PRKD3: variants seen among roughly 807,000 people sequenced by gnomAD.
PRKD3 encodes the protein protein kinase D3, also known as serine/threonine-protein kinase D3.
In PRKD3, 47 loss-of-function variants were observed where a neutral mutation model predicts 99.2. The ratio of observed to expected loss-of-function variants is 0.47; its 90% CI spans 0.38 to 0.60. The LOEUF is 0.60. Ranked by LOEUF, PRKD3 falls within the 20% of genes least tolerant of loss-of-function variation. The pLI, the probability that PRKD3 is intolerant of heterozygous loss-of-function variation, is 0.00. For missense variants in PRKD3, 1,019 were observed against 1,088.4 expected, an observed-to-expected ratio of 0.94 and a Z score of 0.90; for synonymous variants, 392 against 355.4, an observed-to-expected ratio of 1.10 and a Z score of -1.16.
chr2:37,295,387 CAG>C (rs1317176217), intron 2 of PRKD3, among the ~76,000 whole-genome samples: 2 of 152,026 alleles, frequency 1.3e-5, no homozygotes, highest in African/African-American at 4.8e-5. Flanking sequence ...AAAAGAGAAG[CAG>C]AGTTTCCATA....
At chr2:37,323,204 A>C (rs184518960) in intron 1 of PRKD3, among the ~76,000 whole-genome samples, 1 of 150,732 alleles carries the variant, frequency 6.6e-6, no homozygotes, top group East Asian at 1.9e-4. Context: ...TTTCTCTAAA[A>C]GACTTACCAT....
intron 7 of PRKD3, 91 bp from the exon 8 acceptor site, chr2:37,280,020 G>A: frequency 2.6e-6 from 2 of 767,216 alleles, no homozygotes; most frequent in Non-Finnish European, 4.0e-6. Context: ...TAAAATGTAA[G>A]AAAATATCTT....
At chr2:37,256,552 T>C (rs1050024515) in intron 17 of PRKD3, 110 bp downstream of exon 17, 26 of 1,304,828 alleles carry the variant, frequency 2.0e-5, no homozygotes, top group Non-Finnish European at 2.6e-5. Context: ...ATGGGAGATG[T>C]ACTAAAAAGA....
chr2:37,308,772 G>A (rs898824601), intron 2 of PRKD3, among the ~76,000 whole-genome samples: 4 of 152,002 alleles, frequency 2.6e-5, no homozygotes, highest in African/African-American at 4.8e-5. Flanking sequence ...GGTATTAAGT[G>A]AAGGTCTATG....
At chr2:37,299,544 ACACACACACACACAC>A (rs1413886340) in intron 2 of PRKD3, among the ~76,000 whole-genome samples, 1 of 150,746 alleles carries the variant, frequency 6.6e-6, no homozygotes, top group Non-Finnish European at 1.5e-5. Context: ...ACACACACAC[ACACACACACACACAC>A]AAGCTTCTGC....
intron 14 of PRKD3, among the ~76,000 whole-genome samples, chr2:37,261,886 G>A (rs559632934): frequency 2.0e-5 from 3 of 152,084 alleles, no homozygotes; most frequent in East Asian, 3.9e-4. Flanking sequence ...AGTAAAAAAC[G>A]TATTTTGAAT....
intron 2 of PRKD3, among the ~76,000 whole-genome samples, chr2:37,303,730 C>T (rs796253131): frequency 1.2e-4 from 18 of 152,226 alleles, no homozygotes; most frequent in Middle Eastern, 6.8e-3. Flanking sequence ...TATGAGCTGC[C>T]GTGCCCAGCC....
chr2:37,308,999 T>G (rs1364469428), intron 2 of PRKD3, among the ~76,000 whole-genome samples: 1 of 152,134 alleles, frequency 6.6e-6, no homozygotes, highest in Non-Finnish European at 1.5e-5. Flanking sequence ...TTGACTATTT[T>G]TCCTCCAGAT....
At chr2:37,320,642 G>C (rs1390132154) in intron 1 of PRKD3, among the ~76,000 whole-genome samples, 1 of 151,862 alleles carries the variant, frequency 6.6e-6, no homozygotes, top group South Asian at 2.1e-4. Flanking sequence ...ATGTTGGCCA[G>C]GCTGGTCTGG....
chr2:37,312,526 C>T (rs543226806), intron 2 of PRKD3, among the ~76,000 whole-genome samples: 2 of 152,236 alleles, frequency 1.3e-5, no homozygotes, highest in Admixed American at 6.5e-5. Context: ...AATAAGAGTC[C>T]TTTTCACAGT....
At chr2:37,300,387 G>C (rs1192994755) in intron 2 of PRKD3, among the ~76,000 whole-genome samples, 2 of 152,040 alleles carry the variant, frequency 1.3e-5, no homozygotes, top group Non-Finnish European at 2.9e-5. Context: ...GGTAGTGGGT[G>C]GGGGGAATAA....
chr2:37,257,062 T>G (rs1668011684), intron 16 of PRKD3, 133 bp from the exon 17 acceptor site: 2 of 1,017,858 alleles, frequency 2.0e-6, no homozygotes, highest in Non-Finnish European at 2.8e-6. Context: ...TAATCACAGA[T>G]AAGGAAATTG....
intron 7 of PRKD3, among the ~76,000 whole-genome samples, chr2:37,281,065 C>T (rs182847604): frequency 4.9e-4 from 74 of 152,234 alleles, no homozygotes; most frequent in African/African-American, 1.7e-3. Flanking sequence ...GATACCACTT[C>T]GCACTACCTA....
chr2:37,286,463 C>T lies in PRKD3; in HGVS notation c.718-94G>A, dbSNP rs1009697394. 1.3e-5 allele frequency: 14 copies of T among 1,080,032 alleles called. No homozygotes were observed. The African/African-American group carries it at 2.2e-4, about 17-fold the overall frequency. The allele number at this position is 1,080,032 out of a possible 1,614,324, so 66.9% of individuals were successfully genotyped here. Reference sequence around the variant, plus strand: ...CCACAAGAATCATTTATTTCAAACACTAAAGCCAAAAAACTCTAAAAATGT... The same window carrying T: ...CCACAAGAATCATTTATTTCAAACATTAAAGCCAAAAAACTCTAAAAATGT... On this transcript the variant is annotated intron_variant, in intron 5 of 18. Coordinates refer to ENST00000234179, the MANE Select transcript of PRKD3 (RefSeq NM_005813.6).
rs574030640 is a variant in PRKD3, at chr2:37,264,601, G to A, written c.1884+2829C>T. Among the ~76,000 whole-genome samples, 5 of 152,248 alleles carry A rather than the reference G, an allele frequency of 3.3e-5. No homozygotes were observed. The East Asian group carries it at 9.6e-4, about 29-fold the overall frequency. ...ATGATATTTGGGCAAAATCCTGACG[G>A]AGACAAGGGAGTATGACATGCAGAT... is the stretch of plus-strand genomic sequence containing the variant. On this transcript the variant is annotated intron_variant, in intron 14 of 18. Coordinates refer to ENST00000234179, the MANE Select transcript of PRKD3 (RefSeq NM_005813.6).
Position 37,291,999 on chromosome 2 carries a change from C to T in PRKD3, c.428-1000G>A, listed in dbSNP as rs773903181. On this transcript the variant is annotated intron_variant, in intron 3 of 18. Transcript: ENST00000234179. The stretch of plus-strand genomic sequence containing the variant: ...GCAAATAGTGGGAATTAAAAAACAA[C>T]GTATGGCAAGAATGCGTGAGGTGGA... Among the ~76,000 whole-genome samples, 6 of 152,128 alleles carry T rather than the reference C, an allele frequency of 3.9e-5. No homozygotes were observed. In the South Asian group the frequency reaches 8.3e-4, roughly 21 times the overall value.
intron 1 of PRKD3, among the ~76,000 whole-genome samples, chr2:37,319,752 GATTTAAAAAAAAAAAAATC>G (rs1221473315): frequency 8.0e-6 from 1 of 125,752 alleles, no homozygotes; most frequent in Non-Finnish European, 1.7e-5. Context: ...GAGCCATACT[GATTTAAAAAAAAAAAAATC>G]ATGCACGCAA....
chr2:37,322,480 A>T (rs746198311), intron 1 of PRKD3, among the ~76,000 whole-genome samples: 3 of 152,228 alleles, frequency 2.0e-5, no homozygotes. Context: ...AGAGCACACC[A>T]TATCTGCTCT....
chr2:37,294,982 T>C (rs1008000219), intron 2 of PRKD3, among the ~76,000 whole-genome samples: 1 of 152,104 alleles, frequency 6.6e-6, no homozygotes, highest in African/African-American at 2.4e-5. Flanking sequence ...GGCTGAGGCA[T>C]AAGAATCACT....
Sources: gnomAD v4.1 joint callset for allele counts (sites outside exome capture counted in the v4.1 genomes callset) on GRCh38, gnomAD v4.1.1 for gene constraint, MANE v1.5 for transcripts, NCBI Gene and HGNC (gene_info 2026-07-23, HGNC 2026-07-21) for gene names.